The following SEMA5A variants were observed in gnomAD, a reference collection of about 807,000 sequenced individuals.
SEMA5A encodes semaphorin 5A.
Under a neutral mutation model 135.5 loss-of-function variants are expected in SEMA5A, and 55 were observed. The ratio of observed to expected loss-of-function variants is 0.41; its 90% CI spans 0.33 to 0.51. The LOEUF is 0.51. SEMA5A is among the 20% of genes least tolerant of loss of function. SEMA5A has a pLI of 0.37. For synonymous variants in SEMA5A, 580 were observed against 546.5 expected, an observed-to-expected ratio of 1.06 and a Z score of -0.85; for missense variants, 1,290 against 1,419.9, an observed-to-expected ratio of 0.91 and a Z score of 1.47.
intron 8 of SEMA5A, among the ~76,000 whole-genome samples, chr5:9,208,576 G>A (rs1011974339): frequency 5.3e-5 from 8 of 152,172 alleles, no homozygotes; most frequent in African/African-American, 1.9e-4. Context: ...AGGTGAGGCT[G>A]AGAAGGGGCC....
intron 12 of SEMA5A, among the ~76,000 whole-genome samples, chr5:9,141,655 C>T (rs1742072645): frequency 6.6e-6 from 1 of 152,138 alleles, no homozygotes; most frequent in Admixed American, 6.6e-5. Flanking sequence ...TAAATGTCTA[C>T]TTTCCTTTCC....
At chr5:9,439,211 G>A (rs1172335737) in intron 1 of SEMA5A, among the ~76,000 whole-genome samples, 1 of 152,308 alleles carries the variant, frequency 6.6e-6, no homozygotes, top group East Asian at 1.9e-4. Flanking sequence ...CAAAAGAGGA[G>A]CCAGGGAAGC....
At chr5:9,225,207 T>A (rs896691912) in intron 7 of SEMA5A, among the ~76,000 whole-genome samples, 5 of 152,040 alleles carry the variant, frequency 3.3e-5, no homozygotes, top group Middle Eastern at 3.4e-3. Context: ...ACTTTTCCAC[T>A]TTAATATAAA....
intron 5 of SEMA5A, among the ~76,000 whole-genome samples, chr5:9,275,126 G>T (rs990680933): frequency 2.0e-5 from 3 of 151,926 alleles, no homozygotes; most frequent in Admixed American, 2.0e-4. Context: ...TCAAGTAGAT[G>T]CAATAAAAAA....
intron 1 of SEMA5A, among the ~76,000 whole-genome samples, chr5:9,479,088 C>T (rs13159693): frequency 0.038 from 5,800 of 152,244 alleles, 129 homozygotes; most frequent in African/African-American, 0.064. Flanking sequence ...ACATGTACGA[C>T]GTGCCTCACT....
At chr5:9,175,687 G>T (rs991220036) in intron 11 of SEMA5A, among the ~76,000 whole-genome samples, 13 of 152,134 alleles carry the variant, frequency 8.5e-5, no homozygotes, top group African/African-American at 2.9e-4. Flanking sequence ...CTTCAGCCAG[G>T]TCTGGATAAC....
chr5:9,450,035 A>G (rs1164481391), intron 1 of SEMA5A, among the ~76,000 whole-genome samples: 3 of 152,146 alleles, frequency 2.0e-5, no homozygotes, highest in Non-Finnish European at 2.9e-5. Context: ...TCATGCTCAT[A>G]AAAGCTCAAC....
At chr5:9,332,544 G>A (rs1371422283) in intron 4 of SEMA5A, among the ~76,000 whole-genome samples, 1 of 151,502 alleles carries the variant, frequency 6.6e-6, no homozygotes, top group East Asian at 2.0e-4. Flanking sequence ...TGGGTCAGGT[G>A]TGCAAGGCAT....
At chr5:9,333,190 T>A (rs1753234103) in intron 4 of SEMA5A, among the ~76,000 whole-genome samples, 2 of 152,170 alleles carry the variant, frequency 1.3e-5, no homozygotes, top group South Asian at 4.1e-4. Context: ...AAAAATCACA[T>A]TTTGAAGAAA....
At chr5:9,178,132 T>C (rs1010926301) in intron 11 of SEMA5A, among the ~76,000 whole-genome samples, 9 of 152,312 alleles carry the variant, frequency 5.9e-5, no homozygotes, top group African/African-American at 1.9e-4. Flanking sequence ...TTTAAAAAAC[T>C]ACCGAGAATC....
intron 15 of SEMA5A, among the ~76,000 whole-genome samples, chr5:9,115,309 C>G (rs1172421299): frequency 6.6e-6 from 1 of 152,118 alleles, no homozygotes; most frequent in African/African-American, 2.4e-5. Flanking sequence ...ACTCAGGAAG[C>G]ATAACTAAGA....
At chr5:9,415,192 G>A (rs549195437) in intron 2 of SEMA5A, among the ~76,000 whole-genome samples, 1 of 152,316 alleles carries the variant, frequency 6.6e-6, no homozygotes, top group Admixed American at 6.5e-5. Flanking sequence ...TTAAGATGCA[G>A]CTTTCCAGAA....
intron 8 of SEMA5A, among the ~76,000 whole-genome samples, chr5:9,206,870 T>C (rs1398879714): frequency 6.6e-6 from 1 of 151,016 alleles, no homozygotes; most frequent in East Asian, 2.0e-4. Flanking sequence ...CAATCAGACC[T>C]AGTTTGCAAA....
chr5:9,281,723 G>C (rs1489662623), intron 5 of SEMA5A, among the ~76,000 whole-genome samples: 3 of 152,018 alleles, frequency 2.0e-5, no homozygotes, highest in Non-Finnish European at 4.4e-5. Context: ...CTGATTAACA[G>C]GAACCAAGAG....
At chr5:9,240,567 A>T (rs1748138297) in intron 5 of SEMA5A, among the ~76,000 whole-genome samples, 1 of 151,950 alleles carries the variant, frequency 6.6e-6, no homozygotes, top group South Asian at 2.1e-4. Flanking sequence ...AATTAAAAAA[A>T]AAAATCCATC....
intron 2 of SEMA5A, 108 bp from the exon 3 acceptor site, chr5:9,380,131 AGAG>A: frequency 1.4e-6 from 1 of 721,486 alleles, no homozygotes; most frequent in Non-Finnish European, 2.2e-6. Flanking sequence ...TTGTGGAGAT[AGAG>A]GAGAGCTTGG....
At chr5:9,094,040 C>T (rs1424855571) in intron 16 of SEMA5A, among the ~76,000 whole-genome samples, 1 of 152,218 alleles carries the variant, frequency 6.6e-6, no homozygotes, top group African/African-American at 2.4e-5. Context: ...CTCATAATTG[C>T]TCTGATGGCA....
rs199716535 is a variant in SEMA5A, at chr5:9,232,736, T to TA, written c.333+5091dup. 4.2e-3 allele frequency among the ~76,000 whole-genome samples: 635 copies of TA among 151,982 alleles called. 6 individuals carry two copies. Among genetic ancestry groups the TA allele is most frequent in the African/African-American group, 0.014 (592 of 41,458 alleles). On this transcript the variant is annotated intron_variant, in intron 6 of 22. Transcript: ENST00000382496. ...GGGAAACCTTTTTGGATACCTCAATTAAAAAAAATAAAATTAGGTGTGCAT... is the reference window on the plus strand; with the variant it reads ...GGGAAACCTTTTTGGATACCTCAATTAAAAAAAAATAAAATTAGGTGTGCAT...
At chr5:9,397,415 C>A (rs1339415632) in intron 2 of SEMA5A, among the ~76,000 whole-genome samples, 2 of 152,212 alleles carry the variant, frequency 1.3e-5, no homozygotes, top group Non-Finnish European at 2.9e-5. Flanking sequence ...AATACTAGCA[C>A]CTTTCTCATA....
Sources: gnomAD v4.1 joint callset for allele counts (sites outside exome capture counted in the v4.1 genomes callset) on GRCh38, gnomAD v4.1.1 for gene constraint, MANE v1.5 for transcripts, NCBI Gene and HGNC (gene_info 2026-07-23, HGNC 2026-07-21) for gene names.